Variants in MEF2A observed in about 807,000 individuals in gnomAD.
The protein encoded by MEF2A is myocyte-specific enhancer factor 2A.
MEF2A carries 28 observed loss-of-function variants against 55.8 expected under a neutral mutation model. That is an observed-to-expected ratio of 0.50 (90% confidence interval 0.37 to 0.69). The LOEUF (loss-of-function observed/expected upper bound fraction) is 0.69, where lower values mean the gene tolerates loss of function less well. Among genes scored for constraint, MEF2A ranks in the 30% least tolerant of loss-of-function variants. MEF2A has a pLI of 0.00. For synonymous variants in MEF2A, 239 were observed against 227.1 expected, an observed-to-expected ratio of 1.05 and a Z score of -0.47; for missense variants, 528 against 626.2, an observed-to-expected ratio of 0.84 and a Z score of 1.67.
At chr15:99,612,365 C>G (rs536303719) in intron 2 of MEF2A, among the ~76,000 whole-genome samples, 1 of 150,850 alleles carries the variant, frequency 6.6e-6, no homozygotes, top group Non-Finnish European at 1.5e-5. Flanking sequence ...TGCAGTAAGC[C>G]GAGATCACAC....
At chr15:99,707,829 A>C (rs1018203665) in intron 10 of MEF2A, among the ~76,000 whole-genome samples, 1 of 152,216 alleles carries the variant, frequency 6.6e-6, no homozygotes, top group African/African-American at 2.4e-5. Context: ...CAGAACTTTG[A>C]AACTGCTGTC....
intron 2 of MEF2A, among the ~76,000 whole-genome samples, chr15:99,628,980 T>G (rs1233726021): frequency 3.5e-5 from 5 of 143,936 alleles, no homozygotes; most frequent in Admixed American, 2.1e-4. Flanking sequence ...TTTTTTTTTT[T>G]GTCAGATACA....
chr15:99,578,020 G>C (rs1017484381), intron 1 of MEF2A, among the ~76,000 whole-genome samples: 1 of 152,146 alleles, frequency 6.6e-6, no homozygotes, highest in Non-Finnish European at 1.5e-5. Flanking sequence ...AATATCTGCT[G>C]ATCTCTCCTC....
chr15:99,676,501 C>A (rs369702074), intron 7 of MEF2A, among the ~76,000 whole-genome samples: 1 of 151,540 alleles, frequency 6.6e-6, no homozygotes, highest in Non-Finnish European at 1.5e-5. Context: ...AAAGGCTGGA[C>A]TCTAGAAGTA....
At chr15:99,703,261 C>G in intron 8 of MEF2A, 101 bp from the exon 9 acceptor site, 1 of 1,083,870 alleles carries the variant, frequency 9.2e-7, no homozygotes, top group Non-Finnish European at 1.4e-6. Context: ...GAGTTCCAGA[C>G]AGCTGCTAGT....
chr15:99,588,114 GTGTTT>G (rs909413423), intron 1 of MEF2A, among the ~76,000 whole-genome samples: 9 of 151,774 alleles, frequency 5.9e-5, no homozygotes, highest in African/African-American at 1.9e-4. Context: ...GTTTGCTGAG[GTGTTT>G]TGTTTTGTTT....
chr15:99,586,687 T>C (rs1967398141), intron 1 of MEF2A, among the ~76,000 whole-genome samples: 1 of 152,170 alleles, frequency 6.6e-6, no homozygotes, highest in African/African-American at 2.4e-5. Context: ...TTTTCTCCCT[T>C]ATGGATACCT....
intron 2 of MEF2A, among the ~76,000 whole-genome samples, chr15:99,605,923 T>C (rs1225538991): frequency 6.6e-6 from 1 of 152,160 alleles, no homozygotes; most frequent in African/African-American, 2.4e-5. Flanking sequence ...TGAGCCGAGA[T>C]CATGCCCTGT....
At chr15:99,676,484 C>T (rs1347685654) in intron 7 of MEF2A, among the ~76,000 whole-genome samples, 1 of 151,350 alleles carries the variant, frequency 6.6e-6, no homozygotes, top group Non-Finnish European at 1.5e-5. Flanking sequence ...ATTGGGTTGA[C>T]ACCCCAAAAG....
chr15:99,711,280 A>G (rs1180422072), intron 11 of MEF2A, among the ~76,000 whole-genome samples: 1 of 152,202 alleles, frequency 6.6e-6, no homozygotes, highest in Non-Finnish European at 1.5e-5. Context: ...GGGAAGGAAA[A>G]CTGGGGACAG....
chr15:99,574,141 C>G (rs531086743), intron 1 of MEF2A, among the ~76,000 whole-genome samples: 2 of 152,056 alleles, frequency 1.3e-5, no homozygotes, highest in African/African-American at 4.8e-5. Flanking sequence ...CGCAGATTCA[C>G]CAGTTGTTAC....
chr15:99,626,208 A>G (rs993046938), intron 2 of MEF2A, among the ~76,000 whole-genome samples: 4 of 152,138 alleles, frequency 2.6e-5, no homozygotes, highest in Non-Finnish European at 5.9e-5. Context: ...TTGTGTTTCT[A>G]GGAATTTGTC....
intron 2 of MEF2A, among the ~76,000 whole-genome samples, chr15:99,628,553 T>A (rs1353692446): frequency 6.6e-6 from 1 of 152,200 alleles, no homozygotes. Context: ...CTTAGCTGTT[T>A]GTGCTTTTAC....
At chr15:99,681,588 G>A (rs2053258153) in intron 7 of MEF2A, among the ~76,000 whole-genome samples, 1 of 152,110 alleles carries the variant, frequency 6.6e-6, no homozygotes, top group Non-Finnish European at 1.5e-5. Context: ...TGCCTTTTGG[G>A]GGCTGCCCAC....
At chr15:99,699,749 T>G (rs552552257) in intron 8 of MEF2A, among the ~76,000 whole-genome samples, 3 of 152,270 alleles carry the variant, frequency 2.0e-5, no homozygotes, top group South Asian at 4.1e-4. Flanking sequence ...GATGGTAAAT[T>G]CATCCCTCAC....
intron 2 of MEF2A, among the ~76,000 whole-genome samples, chr15:99,610,677 A>G (rs909542835): frequency 1.3e-5 from 2 of 151,788 alleles, no homozygotes; most frequent in Non-Finnish European, 2.9e-5. Context: ...TTTAATTATT[A>G]TTTTTTTTCA....
intron 1 of MEF2A, among the ~76,000 whole-genome samples, chr15:99,582,362 C>T (rs578086971): frequency 1.3e-5 from 2 of 152,134 alleles, no homozygotes; most frequent in East Asian, 1.9e-4. Context: ...CCTTGTATCC[C>T]GCTTTCTTCT....
At chr15:99,642,264 A>ACATGG (rs1479060020) in intron 3 of MEF2A, among the ~76,000 whole-genome samples, 2 of 152,180 alleles carry the variant, frequency 1.3e-5, no homozygotes, top group Non-Finnish European at 2.9e-5. Context: ...TCCTTGGTGT[A>ACATGG]CATGGTATTC....
At chr15:99,646,644 A>C (rs948948893) in intron 4 of MEF2A, among the ~76,000 whole-genome samples, 1 of 152,110 alleles carries the variant, frequency 6.6e-6, no homozygotes, top group Non-Finnish European at 1.5e-5. Context: ...GAACAAATGG[A>C]GTCCTAATCT....
Sources: allele counts gnomAD v4.1 joint callset (sites outside exome capture counted in the v4.1 genomes callset), GRCh38; gene constraint gnomAD v4.1.1; transcripts MANE v1.5; gene names NCBI Gene and HGNC (gene_info 2026-07-23, HGNC 2026-07-21).